The following SP8 variants were observed in gnomAD, a reference collection of about 807,000 sequenced individuals.
SP8 encodes transcription factor Sp8.
A neutral mutation model predicts 15.3 loss-of-function variants in SP8; 7 were observed. The ratio of observed to expected loss-of-function variants is 0.46; its 90% CI spans 0.26 to 0.86. The LOEUF (loss-of-function observed/expected upper bound fraction) is 0.86, where lower values mean the gene tolerates loss of function less well. Ranked by LOEUF, SP8 falls within the 40% of genes least tolerant of loss-of-function variation. The pLI, the probability that SP8 is intolerant of heterozygous loss-of-function variation, is 0.16. For synonymous variants in SP8, 415 were observed against 356.3 expected (o/e 1.16, Z -1.86); for missense variants, 731 against 736.4 (o/e 0.99, Z 0.09).
Position 20,785,434 on chromosome 7 carries a change from GC to G in SP8, c.382del (p.Ala128ProfsTer149). 8.5e-7 allele frequency: 1 copy of G among 1,181,140 alleles called. No individual in the cohort carries two copies. Among genetic ancestry groups the G allele is most frequent in the Non-Finnish European group, 1.1e-6 (1 of 941,056 alleles). 73.2% of individuals were successfully genotyped at this position (1,181,140 alleles called of 1,614,324 possible). A position where few individuals can be genotyped will look rare whatever the true frequency, so the allele number is the denominator to read the frequency against. ...GCTGGAGGCGGCGGCTGCGGCGGCG[GC>G]GGCGGCGGCTGCGGCGCTGCTGGAG... ...LTSSSAAAAA[A>X]AAAAAASSSP... On this transcript the variant is annotated frameshift_variant, in exon 2 of 2. Coordinates refer to ENST00000418710, the MANE Select transcript of SP8 (RefSeq NM_182700.6). LOFTEE classifies it low-confidence loss of function (END_TRUNC). The surrounding 1 kb of genome is among the most constrained non-coding windows in gnomAD (Gnocchi z 7.2).
At position 20,783,841 on chromosome 7, in the gene SP8, C is replaced by CT. The variant is rs1348016375; in HGVS notation, c.*448_*449insA. The CT allele has an allele frequency of 2.3e-4, 4 of 17,364 alleles. No individual in the cohort carries two copies. The highest frequency in any genetic ancestry group is 7.6e-5 in the Non-Finnish European group (1 of 13,186). The allele number at this position is 17,364 out of a possible 1,614,324, so 1.1% of individuals were successfully genotyped here. A position where few individuals can be genotyped will look rare whatever the true frequency, so the allele number is the denominator to read the frequency against. On this transcript the variant is annotated 3_prime_UTR_variant, in exon 2 of 2. Coordinates refer to ENST00000418710, the MANE Select transcript of SP8 (RefSeq NM_182700.6). Reference sequence around the variant, plus strand: ...CTCCAGCCTCTCCCTCTCCACCGCTCCGCTCAGGCTTGTCAGCCGAGCCGC... The same window carrying CT: ...CTCCAGCCTCTCCCTCTCCACCGCTCTCGCTCAGGCTTGTCAGCCGAGCCGC...
rs774244201 is a variant in SP8, at chr7:20,785,556, A to G, written c.261T>C (p.Ala87=). 4.6e-5 allele frequency: 62 copies of G among 1,336,176 alleles called. No individual in the cohort carries two copies. The highest frequency in any genetic ancestry group is 5.9e-4 in the Middle Eastern group (2 of 3,374). 82.8% of individuals were successfully genotyped at this position (1,336,176 alleles called of 1,614,324 possible). A position where few individuals can be genotyped will look rare whatever the true frequency, so the allele number is the denominator to read the frequency against. The change falls in exon 2 of 2, where the codon GCT becomes GCC. Residue 87 remains alanine (A), a synonymous_variant. Transcript: ENST00000418710. The surrounding 1 kb of genome is among the most constrained non-coding windows in gnomAD (Gnocchi z 7.2). ...CCGCGGCTGCTGCCGCGGCCGCCGCAGCCGCCGAGGACGAGCCGCCGTTCC... is the reference window on the plus strand; with the variant it reads ...CCGCGGCTGCTGCCGCGGCCGCCGCGGCCGCCGAGGACGAGCCGCCGTTCC... ...ASRNGGSSSA[A]AAAAAAAAAA...
rs759286696 is a variant in SP8 at position 20,784,560 on chromosome 7, G to A, written c.1257C>T (p.Asp419=). 6.3e-7 allele frequency: 1 copy of A among 1,597,858 alleles called. No homozygotes were observed. The highest frequency in any genetic ancestry group is 1.1e-5 in the South Asian group (1 of 89,266). ...GGGTCCGCAGGTGCCGCTGCAGCTC[G>A]TCGGAGCGCGTGAAGCGCTTGCCGC... ...LFCGKRFTRS[D]ELQRHLRTHT... is the part of the protein sequence containing the mutation. The change falls in exon 2 of 2, where the codon GAC becomes GAT. Residue 419 remains aspartate (D), a synonymous_variant. Transcript: ENST00000418710.
rs1783569413 is a variant in SP8 at position 20,783,785 on chromosome 7, GTCTGCCCGGGCGGCGCTGT to G, written c.*486_*504del. 6.4e-6 allele frequency: 1 copy of G among 156,592 alleles called. No homozygotes were observed. Among genetic ancestry groups the G allele is most frequent in the Admixed American group, 6.5e-5 (1 of 15,378 alleles). 9.7% of individuals were successfully genotyped at this position (156,592 alleles called of 1,614,324 possible). Reference sequence around the variant, plus strand: ...ACAGCGGCTCTGGAACCAAGCAGCCGTCTGCCCGGGCGGCGCTGTTCTGCCCAGGCCTCCAGCCTCTCCC... The same window carrying G: ...ACAGCGGCTCTGGAACCAAGCAGCCGTCTGCCCAGGCCTCCAGCCTCTCCC... On this transcript the variant is annotated 3_prime_UTR_variant, in exon 2 of 2. Coordinates refer to ENST00000418710, the MANE Select transcript of SP8 (RefSeq NM_182700.6).
Position 20,784,091 on chromosome 7 carries a change from C to A in SP8, c.*199G>T, listed in dbSNP as rs1335374797. Reference sequence around the variant, plus strand: ...AAGGGAAAGCCAGGGCCCGGGACAGCGATGCGTGTTACTTACTTGTCCATA... The same window carrying A: ...AAGGGAAAGCCAGGGCCCGGGACAGAGATGCGTGTTACTTACTTGTCCATA... On this transcript the variant is annotated 3_prime_UTR_variant, in exon 2 of 2. Transcript: ENST00000418710. 1.2e-5 allele frequency: 6 copies of A among 506,142 alleles called. No individual in the cohort carries two copies. Among genetic ancestry groups the A allele is most frequent in the African/African-American group, 2.0e-5 (1 of 49,580 alleles). 31.4% of individuals were successfully genotyped at this position (506,142 alleles called of 1,614,324 possible). A position where few individuals can be genotyped will look rare whatever the true frequency, so the allele number is the denominator to read the frequency against.
In SP8 at chr7:20,784,191, GA is replaced by G. The variant is rs1783586226; in HGVS notation, c.*98del. On this transcript the variant is annotated 3_prime_UTR_variant, in exon 2 of 2. Coordinates refer to ENST00000418710, the MANE Select transcript of SP8 (RefSeq NM_182700.6). ...ACAGAAAGAGACAGAGAGCGAGTCG[GA>G]TGCAATAGGGAAAGGCTGGAGTTGA... 9.5e-7 allele frequency: 1 copy of G among 1,053,216 alleles called. No homozygotes were observed. Among genetic ancestry groups the G allele is most frequent in the Non-Finnish European group, 1.3e-6 (1 of 785,868 alleles). 65.2% of individuals were successfully genotyped at this position (1,053,216 alleles called of 1,614,324 possible). A position where few individuals can be genotyped will look rare whatever the true frequency, so the allele number is the denominator to read the frequency against.
chr7:20,784,851 G>C lies in SP8; in HGVS notation c.966C>G (p.Gly322=). 1 of 1,525,274 alleles carries C rather than the reference G, an allele frequency of 6.6e-7. No homozygotes were observed. Among genetic ancestry groups the C allele is most frequent in the Non-Finnish European group, 8.8e-7 (1 of 1,142,716 alleles). The allele number at this position is 1,525,274 out of a possible 1,614,324, so 94.5% of individuals were successfully genotyped here. A position where few individuals can be genotyped will look rare whatever the true frequency, so the allele number is the denominator to read the frequency against. Residue 322 remains glycine (G), a synonymous_variant, in exon 2 of 2, where the codon GGC becomes GGG. Coordinates refer to ENST00000418710, the MANE Select transcript of SP8 (RefSeq NM_182700.6). ...SAPSPLAGAG[G]SMLSAGPSAP... ...CCGAAGGCCCAGCGCTCAACATGGA[G>C]CCCCCCGCGCCGGCCAGCGGCGACG...
rs1783545827 is a variant in SP8 at position 20,783,194 on chromosome 7, C to T, written c.*1096G>A. 1 of 624 alleles carries T rather than the reference C, an allele frequency of 1.6e-3. No individual in the cohort carries two copies. The highest frequency in any genetic ancestry group is 0.5 in the South Asian group (1 of 2). The allele number at this position is 624 out of a possible 1,614,324, so 0.0% of individuals were successfully genotyped here. A position where few individuals can be genotyped will look rare whatever the true frequency, so the allele number is the denominator to read the frequency against. ...ATTGAGAGAATTTACGAAATTGGTA[C>T]TATACAATTGACGGCCGGACTAACA... On this transcript the variant is annotated 3_prime_UTR_variant, in exon 2 of 2. Transcript: ENST00000418710.
rs1176720476 is a variant in SP8, at chr7:20,785,316, G to A, written c.501C>T (p.Ser167=). The A allele has an allele frequency of 2.7e-6, 4 of 1,507,502 alleles. No individual in the cohort carries two copies. The highest frequency in any genetic ancestry group is 3.5e-6 in the Non-Finnish European group (4 of 1,130,996). The allele number at this position is 1,507,502 out of a possible 1,614,324, so 93.4% of individuals were successfully genotyped here. A position where few individuals can be genotyped will look rare whatever the true frequency, so the allele number is the denominator to read the frequency against. The change falls in exon 2 of 2, where the codon TCC becomes TCT. Residue 167 remains serine (S), a synonymous_variant. Transcript: ENST00000418710. This position sits in a 1 kb window ranked among gnomAD's most constrained non-coding sequence, Gnocchi z 7.2. The part of the protein sequence containing the change: ...GGGGGGGGGS[S]AHSQDGSHQP... Reference sequence around the variant, plus strand: ...GGTGGGAGCCGTCCTGCGAGTGCGCGGAGGAGCCGCCGCCGCCGCCCCCGC... The same window carrying A: ...GGTGGGAGCCGTCCTGCGAGTGCGCAGAGGAGCCGCCGCCGCCGCCCCCGC...
rs1783671258 is a variant in SP8 at position 20,786,083 on chromosome 7, ACT to A, written c.22-290_22-289del. ...GACAAGTATTCTCACCTAAAACAAC[ACT>A]CTCTTGCACACAAAGCCCCAGACAC... On this transcript the variant is annotated intron_variant, in intron 1 of 1. Coordinates refer to ENST00000418710, the MANE Select transcript of SP8 (RefSeq NM_182700.6). This position sits in a 1 kb window ranked among gnomAD's most constrained non-coding sequence, Gnocchi z 4.4. 1.2e-5 allele frequency: 14 copies of A among 1,177,106 alleles called. No homozygotes were observed. In the South Asian group the frequency reaches 2.6e-4, roughly 22 times the overall value. The allele number at this position is 1,177,106 out of a possible 1,614,324, so 72.9% of individuals were successfully genotyped here. A position where few individuals can be genotyped will look rare whatever the true frequency, so the allele number is the denominator to read the frequency against.
rs773654227 is a variant in SP8, at chr7:20,784,536, G to C, written c.1281C>G (p.Thr427=). 4.4e-6 allele frequency: 7 copies of C among 1,584,746 alleles called. No individual in the cohort carries two copies. The Admixed American group carries it at 1.1e-4, about 24-fold the overall frequency. ...AGGCGAAGCGCTTCTCGCCGGTGTG[G>C]GTCCGCAGGTGCCGCTGCAGCTCGT... ...RSDELQRHLR[T]HTGEKRFACP... is the part of the protein sequence containing the mutation. The change falls in exon 2 of 2, where the codon ACC becomes ACG. Residue 427 remains threonine, a synonymous_variant. Transcript: ENST00000418710.
Position 20,786,886 on chromosome 7 carries a change from T to C in SP8, c.-88A>G. ...TTTTTTTTAGAGGTGTGCAATACAA[T>C]GATCAGTTCCGCCCATTCCACCACA... On this transcript the variant is annotated 5_prime_UTR_variant, in exon 1 of 2. Transcript: ENST00000418710. This position sits in a 1 kb window ranked among gnomAD's most constrained non-coding sequence, Gnocchi z 4.4. The C allele has an allele frequency of 9.2e-7, 1 of 1,087,766 alleles. No individual in the cohort carries two copies. 67.4% of individuals were successfully genotyped at this position (1,087,766 alleles called of 1,614,324 possible). A position where few individuals can be genotyped will look rare whatever the true frequency, so the allele number is the denominator to read the frequency against.
chr7:20,784,256 G>C lies in SP8; in HGVS notation c.*34C>G. ...AGGGCCCAAGAGGACTTGGTGGGAGGAGGTCGGGGAGAGGGGCGGGCGCAG... is the reference window on the plus strand; with the variant it reads ...AGGGCCCAAGAGGACTTGGTGGGAGCAGGTCGGGGAGAGGGGCGGGCGCAG... On this transcript the variant is annotated 3_prime_UTR_variant, in exon 2 of 2. Transcript: ENST00000418710. 7.0e-7 allele frequency: 1 copy of C among 1,431,628 alleles called. No homozygotes were observed. Among genetic ancestry groups the C allele is most frequent in the Non-Finnish European group, 9.1e-7 (1 of 1,096,338 alleles). 88.7% of individuals were successfully genotyped at this position (1,431,628 alleles called of 1,614,324 possible). A position where few individuals can be genotyped will look rare whatever the true frequency, so the allele number is the denominator to read the frequency against.
Position 20,785,375 on chromosome 7 carries a change from C to A in SP8, c.442G>T (p.Ala148Ser), listed in dbSNP as rs766508195. ...CCGCTGCCCCCGGAAACTCCGGGGG[C>A]CTGGAAAACAGAGTAGTCGTTGGCG... Reference protein sequence around the residue: ...PFANDYSVFQAPGVSGGSGGG... With the variant: ...PFANDYSVFQSPGVSGGSGGG... The change falls in exon 2 of 2, where the codon GCC becomes TCC. Residue 148 changes from alanine to serine, a missense_variant. Physicochemically the swap from Ala to Ser is moderately conservative, Grantham distance 99 (BLOSUM62 1). Around this residue, in one of 3 missense-constraint regions of SP8, gnomAD observed 586 missense variants for 524.9 expected, o/e 1.12. Coordinates refer to ENST00000418710, the MANE Select transcript of SP8 (RefSeq NM_182700.6). The surrounding 1 kb of genome is among the most constrained non-coding windows in gnomAD (Gnocchi z 7.2). 8.2e-6 allele frequency: 12 copies of A among 1,460,860 alleles called. No individual in the cohort carries two copies. The highest frequency in any genetic ancestry group is 2.5e-5 in the Admixed American group (1 of 39,718). 90.5% of individuals were successfully genotyped at this position (1,460,860 alleles called of 1,614,324 possible). A position where few individuals can be genotyped will look rare whatever the true frequency, so the allele number is the denominator to read the frequency against.
rs115488866 is a variant in SP8, at chr7:20,785,589, C to A, written c.228G>T (p.Gly76=). The A allele has an allele frequency of 3.8e-4, 609 of 1,607,078 alleles. 3 individuals are homozygous for A. In the African/African-American group the frequency reaches 7.5e-3, roughly 20 times the overall value. The change falls in exon 2 of 2, where the codon GGG becomes GGT. Residue 76 remains glycine, a synonymous_variant. Coordinates refer to ENST00000418710, the MANE Select transcript of SP8 (RefSeq NM_182700.6). This position sits in a 1 kb window ranked among gnomAD's most constrained non-coding sequence, Gnocchi z 7.2. ...AGGACGAGCCGCCGTTCCTGGAGGCCCCGGACACGCCGAAGCTTGAGAGAC... is the reference window on the plus strand; with the variant it reads ...AGGACGAGCCGCCGTTCCTGGAGGCACCGGACACGCCGAAGCTTGAGAGAC... ...GSSLSSFGVS[G]ASRNGGSSSA...
chr7:20,785,549 C>T lies in SP8; in HGVS notation c.268G>A (p.Ala90Thr). Residue 90 changes from alanine (A) to threonine (T), a missense_variant, in exon 2 of 2, where the codon GCC (alanine) becomes ACC (threonine). Transcript: ENST00000418710. This position sits in a 1 kb window ranked among gnomAD's most constrained non-coding sequence, Gnocchi z 7.2. ...NGGSSSAAAA[A>T]AAAAAAAAAL... ...GCGGCAGCCGCGGCTGCTGCCGCGG[C>T]CGCCGCAGCCGCCGAGGACGAGCCG... The T allele has an allele frequency of 1.4e-6, 2 of 1,451,042 alleles. No individual in the cohort carries two copies. The highest frequency in any genetic ancestry group is 2.9e-5 in the East Asian group (1 of 34,680). The allele number at this position is 1,451,042 out of a possible 1,614,324, so 89.9% of individuals were successfully genotyped here. A position where few individuals can be genotyped will look rare whatever the true frequency, so the allele number is the denominator to read the frequency against.
Position 20,786,133 on chromosome 7 carries a change from TC to T in SP8, c.22-339del. On this transcript the variant is annotated intron_variant, in intron 1 of 1. Coordinates refer to ENST00000418710, the MANE Select transcript of SP8 (RefSeq NM_182700.6). The surrounding 1 kb of genome is among the most constrained non-coding windows in gnomAD (Gnocchi z 4.4). The stretch of plus-strand genomic sequence containing the variant: ...CACTTCGTAACAAACAAGCAAAAAG[TC>T]CAGATTGGAGAGGAAGGAAGTTTTC... 1.4e-6 allele frequency: 1 copy of T among 722,736 alleles called. No homozygotes were observed. Among genetic ancestry groups the T allele is most frequent in the Non-Finnish European group, 1.8e-6 (1 of 567,448 alleles). The allele number at this position is 722,736 out of a possible 1,614,324, so 44.8% of individuals were successfully genotyped here. A position where few individuals can be genotyped will look rare whatever the true frequency, so the allele number is the denominator to read the frequency against.
Position 20,786,791 on chromosome 7 carries a change from G to A in SP8, c.8C>T (p.Thr3Ile). 6.2e-7 allele frequency: 1 copy of A among 1,613,538 alleles called. No homozygotes were observed. Among genetic ancestry groups the A allele is most frequent in the Non-Finnish European group, 8.5e-7 (1 of 1,179,442 alleles). The change falls in exon 1 of 2, where the codon ACT (threonine) becomes ATT (isoleucine). Residue 3 changes from threonine to isoleucine, a missense_variant. Thr to Ile is a moderately conservative substitution (Grantham distance 89, BLOSUM62 -1). Around this residue, in one of 3 missense-constraint regions of SP8, gnomAD observed 586 missense variants for 524.9 expected, o/e 1.12. Transcript: ENST00000418710. The surrounding 1 kb of genome is among the most constrained non-coding windows in gnomAD (Gnocchi z 4.4). ...CCTGAGACTCACCCCTAGAAGTGAA[G>A]TTGCCATCACACAAAAGTGCCCTCC... is the stretch of plus-strand genomic sequence containing the variant. MA[T>I]SLLGEEPRLG...
chr7:20,784,333 A>C lies in SP8; in HGVS notation c.1484T>G (p.Leu495Arg). The change falls in exon 2 of 2, where the codon CTG (leucine) becomes CGG (arginine). Residue 495 changes from leucine (L) to arginine (R), a missense_variant. This residue lies in a region of SP8 where 114 missense variants were observed against 111.9 expected (regional missense o/e 1.02). Transcript: ENST00000418710. ...GTGCCCGGGCTCGGGGGGCTGCAGC[A>C]GCTCTGGGGAGTGGCAGGGCGGGCT... ...AGSPPCHSPE[L>R]LQPPEPGHRN... 6.6e-7 allele frequency: 1 copy of C among 1,503,888 alleles called. No homozygotes were observed. The highest frequency in any genetic ancestry group is 8.8e-7 in the Non-Finnish European group (1 of 1,133,812). 93.2% of individuals were successfully genotyped at this position (1,503,888 alleles called of 1,614,324 possible).
Sources: gnomAD v4.1 joint callset for allele counts on GRCh38, gnomAD v4.1.1 for gene constraint, gnomAD v4.1.1 regional missense constraint, Gnocchi (gnomAD v3.1) non-coding constraint, MANE v1.5 for transcripts, NCBI Gene and HGNC (gene_info 2026-07-23, HGNC 2026-07-21) for gene names.